Variants in TMTC3 observed in about 807,000 individuals in gnomAD.
The protein encoded by TMTC3 is protein O-mannosyl-transferase TMTC3.
A neutral mutation model predicts 92.2 loss-of-function variants in TMTC3; 52 were observed. The ratio of observed to expected loss-of-function variants is 0.56; its 90% CI spans 0.45 to 0.71. The LOEUF (loss-of-function observed/expected upper bound fraction) is 0.71, where lower values mean the gene tolerates loss of function less well. Among genes scored for constraint, TMTC3 ranks in the 30% least tolerant of loss-of-function variants. The pLI is 0.00. For synonymous variants in TMTC3, 339 were observed against 363.3 expected (o/e 0.93, Z 0.76); for missense variants, 896 against 1,057.1 (o/e 0.85, Z 2.11).
Position 88,192,021 on chromosome 12 carries a change from T to TTTTTTC in TMTC3, c.1707-578_1707-577insCTTTTT, listed in dbSNP as rs1265789502. Among the ~76,000 whole-genome samples, 500 of 131,928 alleles carry TTTTTTC rather than the reference T, an allele frequency of 3.8e-3. 1 individual carries two copies. Among genetic ancestry groups the TTTTTTC allele is most frequent in the African/African-American group, 0.019 (471 of 25,430 alleles). The allele number at this position is 131,928 out of a possible 152,430, so 86.5% of individuals were successfully genotyped here. ...ACCATGCCCAGCATTTTTCTTTTTT[T>TTTTTTC]TTTTTTCTTTTTTTTTTTTAAGAAT... On this transcript the variant is annotated intron_variant, in intron 12 of 13. Transcript: ENST00000266712.
chr12:88,158,460 A>G (rs1047686373), intron 4 of TMTC3, among the ~76,000 whole-genome samples: 24 of 151,942 alleles, frequency 1.6e-4, no homozygotes, highest in African/African-American at 5.3e-4. Flanking sequence ...TTATATTAGT[A>G]TTGATGTTTT....
intron 1 of TMTC3, among the ~76,000 whole-genome samples, chr12:88,146,096 A>C (rs1240019346): frequency 6.6e-6 from 1 of 152,136 alleles, no homozygotes; most frequent in Non-Finnish European, 1.5e-5. Context: ...GCCCCCAGTG[A>C]GTCAGGTCCC....
At chr12:88,154,460 G>C (rs1592724999) in intron 4 of TMTC3, 73 bp downstream of exon 4, 1 of 1,020,278 alleles carries the variant, frequency 9.8e-7, no homozygotes, top group Non-Finnish European at 1.4e-6. Context: ...TACTCCAAGT[G>C]CTTCTTATAA....
intron 4 of TMTC3, among the ~76,000 whole-genome samples, chr12:88,157,009 C>T (rs1321942963): frequency 6.6e-6 from 1 of 151,916 alleles, no homozygotes; most frequent in African/African-American, 2.4e-5. Context: ...CCTGAAAATA[C>T]ATAGTTTACA....
chr12:88,166,153 C>T (rs1335577489), intron 6 of TMTC3, among the ~76,000 whole-genome samples, 177 bp from the exon 7 acceptor site: 2 of 152,092 alleles, frequency 1.3e-5, no homozygotes, highest in African/African-American at 2.4e-5. Context: ...GTAGATGTTT[C>T]ATAAAGTTTT....
At chr12:88,185,651 G>A (rs2041368969) in intron 10 of TMTC3, among the ~76,000 whole-genome samples, 1 of 151,142 alleles carries the variant, frequency 6.6e-6, no homozygotes. Flanking sequence ...ACTTTTTAAA[G>A]GCTGCTAAAT....
In TMTC3 at chr12:88,195,738, GGGTTCCTAAT is replaced by G. The variant is rs2041505114; in HGVS notation, c.*93_*102del. ...CTGGGAGCTTTGAAAAAAAGTTCAA[GGGTTCCTAAT>G]GGTCAATCATGAGCTGCCTTGAAGT... On this transcript the variant is annotated 3_prime_UTR_variant, in exon 14 of 14. Transcript: ENST00000266712. 1 of 1,160,074 alleles carries G rather than the reference GGGTTCCTAAT, an allele frequency of 8.6e-7. No individual in the cohort carries two copies. The highest frequency in any genetic ancestry group is 2.5e-5 in the East Asian group (1 of 40,270). The allele number at this position is 1,160,074 out of a possible 1,614,324, so 71.9% of individuals were successfully genotyped here. A position where few individuals can be genotyped will look rare whatever the true frequency, so the allele number is the denominator to read the frequency against.
intron 10 of TMTC3, among the ~76,000 whole-genome samples, chr12:88,182,021 G>C (rs2041323618): frequency 6.6e-6 from 1 of 152,232 alleles, no homozygotes; most frequent in African/African-American, 2.4e-5. Context: ...TGAAGATCTA[G>C]AGATAGGGGC....
In TMTC3 at chr12:88,199,277, G is replaced by A. The variant is rs1460486853; in HGVS notation, c.*3628G>A. The A allele has an allele frequency of 6.6e-6, 1 of 151,992 alleles. No individual in the cohort carries two copies. Among genetic ancestry groups the A allele is most frequent in the East Asian group, 1.9e-4 (1 of 5,202 alleles). The allele number at this position is 151,992 out of a possible 1,614,324, so 9.4% of individuals were successfully genotyped here. A position where few individuals can be genotyped will look rare whatever the true frequency, so the allele number is the denominator to read the frequency against. ...CTGGTATTGCCTCTGGCATAACTTA[G>A]AGGAAATTGTTCTACCTATATGTCC... is the stretch of plus-strand genomic sequence containing the variant. On this transcript the variant is annotated 3_prime_UTR_variant, in exon 14 of 14. Coordinates refer to ENST00000266712, the MANE Select transcript of TMTC3 (RefSeq NM_181783.4).
At chr12:88,160,028 T>G in intron 4 of TMTC3, 86 bp from the exon 5 acceptor site, 1 of 832,626 alleles carries the variant, frequency 1.2e-6, no homozygotes, top group Non-Finnish European at 1.9e-6. Context: ...CTCATATGGA[T>G]ATGGAATCAC....
intron 13 of TMTC3, among the ~76,000 whole-genome samples, chr12:88,193,446 A>G (rs1174553388): frequency 6.6e-6 from 1 of 152,060 alleles, no homozygotes; most frequent in Non-Finnish European, 1.5e-5. Context: ...TAATCTTTTT[A>G]ATTTATAAAT....
chr12:88,165,637 T>G (rs2041134889), intron 6 of TMTC3, among the ~76,000 whole-genome samples: 1 of 152,064 alleles, frequency 6.6e-6, no homozygotes, highest in African/African-American at 2.4e-5. Flanking sequence ...CAGACTAAAC[T>G]AATGAAATGT....
chr12:88,182,507 TATTTA>T (rs1473702150), intron 10 of TMTC3, among the ~76,000 whole-genome samples: 6 of 152,168 alleles, frequency 3.9e-5, no homozygotes, highest in Non-Finnish European at 8.8e-5. Context: ...AAGTTGATAG[TATTTA>T]ATTTAACCTT....
At chr12:88,180,100 C>A (rs2041300721) in intron 10 of TMTC3, among the ~76,000 whole-genome samples, 1 of 152,158 alleles carries the variant, frequency 6.6e-6, no homozygotes, top group South Asian at 2.1e-4. Context: ...CTGTTTTTTG[C>A]ATCAGGTTTT....
intron 2 of TMTC3, among the ~76,000 whole-genome samples, chr12:88,150,664 C>T (rs923918842): frequency 3.3e-5 from 5 of 152,108 alleles, no homozygotes; most frequent in African/African-American, 1.2e-4. Context: ...TCCCTGAAGG[C>T]AAATGTGACA....
At chr12:88,146,867 C>A (rs2040882007) in intron 1 of TMTC3, among the ~76,000 whole-genome samples, 1 of 149,864 alleles carries the variant, frequency 6.7e-6, no homozygotes, top group Non-Finnish European at 1.5e-5. Context: ...AGTTGTGAAT[C>A]CAGAAACTAC....
In TMTC3 at chr12:88,174,819, A is replaced by G. The variant is rs562277350; in HGVS notation, c.1320+92A>G. 4.8e-6 allele frequency: 7 copies of G among 1,473,522 alleles called. No homozygotes were observed. The East Asian group carries it at 6.9e-5, about 14-fold the overall frequency. The allele number at this position is 1,473,522 out of a possible 1,614,324, so 91.3% of individuals were successfully genotyped here. On this transcript the variant is annotated intron_variant, in intron 9 of 13. Coordinates refer to ENST00000266712, the MANE Select transcript of TMTC3 (RefSeq NM_181783.4). ...GTTTTAACTTTGTTTTTAATTAGAC[A>G]TTTAACAGTCAATATTAAGTACTTT...
intron 10 of TMTC3, among the ~76,000 whole-genome samples, chr12:88,186,085 G>A (rs1460786096): frequency 6.6e-6 from 1 of 152,072 alleles, no homozygotes; most frequent in East Asian, 1.9e-4. Context: ...AGCCATCAAT[G>A]TGAGAATACT....
chr12:88,168,420 T>C (rs2041170117), intron 7 of TMTC3, among the ~76,000 whole-genome samples: 1 of 152,156 alleles, frequency 6.6e-6, no homozygotes, highest in Non-Finnish European at 1.5e-5. Context: ...GGTCAGGCAA[T>C]GGTTTCAAGT....
Sources: gnomAD v4.1 joint callset for allele counts (sites outside exome capture counted in the v4.1 genomes callset) on GRCh38, gnomAD v4.1.1 for gene constraint, MANE v1.5 for transcripts, NCBI Gene and HGNC (gene_info 2026-07-23, HGNC 2026-07-21) for gene names.